Variants in RBBP8 observed in about 807,000 individuals in gnomAD.
The protein encoded by RBBP8 is RB binding protein 8, endonuclease.
RBBP8 carries 88 observed loss-of-function variants against 108.3 expected under a neutral mutation model. That is an observed-to-expected ratio of 0.81 (90% CI 0.68 to 0.97). The LOEUF is 0.97. Ranked by LOEUF, RBBP8 falls within the 50% of genes least tolerant of loss-of-function variation. The pLI is 0.00. For synonymous variants in RBBP8, 332 were observed against 348.2 expected (o/e 0.95, Z 0.52); for missense variants, 1,023 against 1,049.0 (o/e 0.98, Z 0.34).
At chr18:22,951,604 A>G (rs1027756400) in intron 4 of RBBP8, among the ~76,000 whole-genome samples, 3 of 152,170 alleles carry the variant, frequency 2.0e-5, no homozygotes, top group Non-Finnish European at 4.4e-5. Context: ...CTCTTAATTC[A>G]ATTCCTACAC....
chr18:22,989,074 T>C, intron 8 of RBBP8, 147 bp from the exon 9 acceptor site: 2 of 566,198 alleles, frequency 3.5e-6, no homozygotes, highest in South Asian at 2.0e-5. Flanking sequence ...TTTGGACTTT[T>C]TGCACAGAAT....
chr18:22,998,566 G>C (rs1445381661), intron 14 of RBBP8, among the ~76,000 whole-genome samples: 2 of 152,242 alleles, frequency 1.3e-5, no homozygotes, highest in Non-Finnish European at 1.5e-5. Flanking sequence ...TGAAGAGCGA[G>C]GGCCTGCCAC....
intron 2 of RBBP8, among the ~76,000 whole-genome samples, chr18:22,941,018 ATTC>A (rs1911042156): frequency 6.6e-6 from 1 of 151,958 alleles, no homozygotes; most frequent in South Asian, 2.1e-4. Flanking sequence ...GGTGAAATGT[ATTC>A]TTAAGTATTT....
In RBBP8 at chr18:23,011,843, G is replaced by A. The variant is rs558890823; in HGVS notation, c.2358-4985G>A. Among the ~76,000 whole-genome samples, 6 of 152,062 alleles carry A rather than the reference G, an allele frequency of 3.9e-5. No homozygotes were observed. In the East Asian group the frequency reaches 7.7e-4, roughly 20 times the overall value. On this transcript the variant is annotated intron_variant, in intron 16 of 18. Coordinates refer to ENST00000327155, the MANE Select transcript of RBBP8 (RefSeq NM_002894.3). ...GTGTGTTCTGGCTGCTCCACCAACC[G>A]ACCATTTTCCCATCTCTCCTCCTCT...
chr18:22,988,939 T>C (rs542252847), intron 8 of RBBP8, among the ~76,000 whole-genome samples: 15 of 152,346 alleles, frequency 9.8e-5, no homozygotes, highest in Admixed American at 2.6e-4. Flanking sequence ...AAGATTTTTT[T>C]CCCCAGTGGC....
At chr18:23,014,572 G>A (rs1031518834) in intron 16 of RBBP8, among the ~76,000 whole-genome samples, 1 of 152,152 alleles carries the variant, frequency 6.6e-6, no homozygotes, top group Admixed American at 6.6e-5. Flanking sequence ...AGTTCAGGCT[G>A]CAGTAAGCTA....
chr18:23,023,710 T>G (rs2046409123), intron 18 of RBBP8, among the ~76,000 whole-genome samples: 1 of 152,174 alleles, frequency 6.6e-6, no homozygotes, highest in African/African-American at 2.4e-5. Flanking sequence ...GTCTAAACTT[T>G]ATTGTAATCA....
At chr18:22,996,316 A>G in intron 12 of RBBP8, 58 bp from the exon 13 acceptor site, 1 of 1,601,838 alleles carries the variant, frequency 6.2e-7, no homozygotes, top group Non-Finnish European at 8.5e-7. Context: ...AATATTTTAA[A>G]GTGATGAGAA....
intron 3 of RBBP8, among the ~76,000 whole-genome samples, chr18:22,922,726 C>T (rs1349805981): frequency 6.6e-6 from 1 of 152,116 alleles, no homozygotes; most frequent in East Asian, 1.9e-4. Flanking sequence ...TGACCTCCCA[C>T]AGTGCTAGGA....
chr18:22,953,100 G>C (rs978862602), intron 4 of RBBP8, among the ~76,000 whole-genome samples: 37 of 152,330 alleles, frequency 2.4e-4, no homozygotes, highest in African/African-American at 8.7e-4. Context: ...TGGGAGAGCT[G>C]TCAGACCCTC....
intron 6 of RBBP8, among the ~76,000 whole-genome samples, chr18:22,975,927 T>C (rs1176198666): frequency 6.6e-6 from 1 of 152,116 alleles, no homozygotes; most frequent in Non-Finnish European, 1.5e-5. Context: ...ATCTGACTAA[T>C]GCAGAGCAGA....
At chr18:22,983,564 T>C (rs1486466601) in intron 7 of RBBP8, among the ~76,000 whole-genome samples, 1 of 152,218 alleles carries the variant, frequency 6.6e-6, no homozygotes, top group Non-Finnish European at 1.5e-5. Flanking sequence ...TTACATCAGG[T>C]TTAAATTCAC....
At chr18:23,015,107 G>A (rs1320731306) in intron 16 of RBBP8, among the ~76,000 whole-genome samples, 2 of 152,014 alleles carry the variant, frequency 1.3e-5, no homozygotes, top group Non-Finnish European at 1.5e-5. Flanking sequence ...GCCCAGGCTG[G>A]TCTCAAACCC....
chr18:22,914,612 T>C (rs1909282308), intron 1 of RBBP8, among the ~76,000 whole-genome samples: 1 of 152,216 alleles, frequency 6.6e-6, no homozygotes, highest in African/African-American at 2.4e-5. Flanking sequence ...CATTAAGCCA[T>C]CTACTTCCTT....
At chr18:23,022,739 G>T (rs2046393882) in intron 18 of RBBP8, among the ~76,000 whole-genome samples, 2 of 151,052 alleles carry the variant, frequency 1.3e-5, no homozygotes, top group South Asian at 4.2e-4. Context: ...TTTGCTGCAG[G>T]TTGGGTGCTA....
intron 2 of RBBP8, among the ~76,000 whole-genome samples, chr18:22,940,085 A>T (rs988299131): frequency 6.6e-6 from 1 of 151,456 alleles, no homozygotes; most frequent in Admixed American, 6.6e-5. Context: ...CTAGAAATGT[A>T]CATAGATCCA....
intron 4 of RBBP8, among the ~76,000 whole-genome samples, chr18:22,968,491 T>C (rs1234388603): frequency 1.3e-5 from 2 of 152,234 alleles, no homozygotes; most frequent in East Asian, 1.9e-4. Flanking sequence ...GGTATAATTC[T>C]ACCCCTTGGT....
chr18:23,013,310 G>A (rs997992537), intron 16 of RBBP8, among the ~76,000 whole-genome samples: 1 of 152,102 alleles, frequency 6.6e-6, no homozygotes, highest in Non-Finnish European at 1.5e-5. Flanking sequence ...AGCTGGGAAC[G>A]GGGAATGGAG....
At chr18:22,953,011 C>T (rs1486397537) in intron 4 of RBBP8, among the ~76,000 whole-genome samples, 1 of 152,138 alleles carries the variant, frequency 6.6e-6, no homozygotes, top group East Asian at 1.9e-4. Context: ...AGCCTGAGTT[C>T]TCTGAGAAGC....
Sources: allele counts gnomAD v4.1 joint callset (sites outside exome capture counted in the v4.1 genomes callset), GRCh38; gene constraint gnomAD v4.1.1; transcripts MANE v1.5; gene names NCBI Gene and HGNC (gene_info 2026-07-23, HGNC 2026-07-21).